The following CACNA2D4 variants were observed in gnomAD, a reference collection of about 807,000 sequenced individuals.
CACNA2D4 encodes the protein voltage-dependent calcium channel subunit alpha-2/delta-4.
In CACNA2D4, 157 loss-of-function variants were observed where a neutral mutation model predicts 163.8. The observed-to-expected ratio is 0.96, with a 90% CI of 0.84 to 1.09. The LOEUF (loss-of-function observed/expected upper bound fraction) is 1.09, where lower values mean the gene tolerates loss of function less well. CACNA2D4 is among the 50% of genes least tolerant of loss of function. The pLI is 0.00. For missense variants in CACNA2D4, 1,410 were observed against 1,479.9 expected, an observed-to-expected ratio of 0.95 and a Z score of 0.78; for synonymous variants, 598 against 586.9, an observed-to-expected ratio of 1.02 and a Z score of -0.27.
intron 14 of CACNA2D4, among the ~76,000 whole-genome samples, 170 bp from the exon 15 acceptor site, chr12:1,879,206 C>T (rs929664174): frequency 1.5e-4 from 23 of 152,246 alleles, no homozygotes; most frequent in South Asian, 4.1e-4. Context: ...CTCTATCAGA[C>T]GAGGTCCCAG....
intron 4 of CACNA2D4, among the ~76,000 whole-genome samples, chr12:1,909,359 A>T (rs1175637877): frequency 6.6e-6 from 1 of 151,886 alleles, no homozygotes; most frequent in Non-Finnish European, 1.5e-5. Context: ...GCCCGGCTAA[A>T]TTTTTTGCAT....
intron 26 of CACNA2D4, among the ~76,000 whole-genome samples, chr12:1,839,880 G>T (rs1864972646): frequency 6.6e-6 from 1 of 152,188 alleles, no homozygotes; most frequent in Non-Finnish European, 1.5e-5. Flanking sequence ...AGACAGGTCT[G>T]GACTGAATTA....
intron 26 of CACNA2D4, among the ~76,000 whole-genome samples, chr12:1,818,307 T>C (rs2154446205): frequency 6.6e-6 from 1 of 151,884 alleles, no homozygotes; most frequent in Admixed American, 6.5e-5. Context: ...AGGATGACAA[T>C]GGTGGCTTTG....
At chr12:1,803,320 A>G (rs896811310) in intron 29 of CACNA2D4, among the ~76,000 whole-genome samples, 2 of 152,328 alleles carry the variant, frequency 1.3e-5, no homozygotes, top group South Asian at 2.1e-4. Context: ...TCTCTCAAAT[A>G]AGAGATGATG....
intron 20 of CACNA2D4, among the ~76,000 whole-genome samples, chr12:1,856,708 G>A (rs1253724505): frequency 3.3e-5 from 5 of 152,200 alleles, no homozygotes; most frequent in Non-Finnish European, 7.3e-5. Context: ...CCCAGGATGG[G>A]CCCTGTGTGT....
At chr12:1,849,907 A>C (rs1358704736) in intron 23 of CACNA2D4, among the ~76,000 whole-genome samples, 1 of 152,322 alleles carries the variant, frequency 6.6e-6, no homozygotes, top group East Asian at 1.9e-4. Flanking sequence ...GAGATATTCT[A>C]ATTTTTCACA....
chr12:1,853,912 G>T, intron 23 of CACNA2D4, 39 bp downstream of exon 23: 1 of 1,513,578 alleles, frequency 6.6e-7, no homozygotes, highest in Non-Finnish European at 9.1e-7. Flanking sequence ...GAATTCTGGG[G>T]GCTGGTTGGG....
At chr12:1,904,443 A>G (rs1237243912) in intron 6 of CACNA2D4, among the ~76,000 whole-genome samples, 4 of 152,068 alleles carry the variant, frequency 2.6e-5, no homozygotes, top group Non-Finnish European at 5.9e-5. Flanking sequence ...TATGATTATT[A>G]CACATTGTAT....
intron 19 of CACNA2D4, among the ~76,000 whole-genome samples, chr12:1,859,560 T>C (rs1865477770): frequency 6.6e-6 from 1 of 152,244 alleles, no homozygotes; most frequent in South Asian, 2.1e-4. Flanking sequence ...TCTTCCAATT[T>C]GCTCTTCTCA....
intron 23 of CACNA2D4, among the ~76,000 whole-genome samples, chr12:1,853,617 C>T (rs190360474): frequency 1.1e-4 from 16 of 152,212 alleles, no homozygotes; most frequent in Admixed American, 5.2e-4. Flanking sequence ...GCAAAGGGAG[C>T]GAGGATTTCT....
rs1312772472 is a variant in CACNA2D4 at position 1,834,714 on chromosome 12, T to A, written c.2551+6025A>T. 5.7e-6 allele frequency: 9 copies of A among 1,589,844 alleles called. No individual in the cohort carries two copies. Among genetic ancestry groups the A allele is most frequent in the Non-Finnish European group, 7.7e-6 (9 of 1,170,822 alleles). ...GAGGACCAGAAGCAGATCTCTTCTG[T>A]GGCCTGAGCGCCCATCCCCACCCGG... is the stretch of plus-strand genomic sequence containing the variant. On this transcript the variant is annotated intron_variant, in intron 26 of 37. Coordinates refer to ENST00000382722, the MANE Select transcript of CACNA2D4 (RefSeq NM_172364.5). The surrounding 1 kb of genome is among the most constrained non-coding windows in gnomAD (Gnocchi z 7.6).
chr12:1,917,570 G>A lies in CACNA2D4; in HGVS notation c.227+677C>T, dbSNP rs1467632107. The stretch of plus-strand genomic sequence containing the variant: ...CCTTCCTAGGACCACCTGAGCTAGG[G>A]CCTAAAACACAGACACCCCAGAGAG... On this transcript the variant is annotated intron_variant, in intron 1 of 37. Coordinates refer to ENST00000382722, the MANE Select transcript of CACNA2D4 (RefSeq NM_172364.5). The surrounding 1 kb of genome is among the most constrained non-coding windows in gnomAD (Gnocchi z 4.3). Among the ~76,000 whole-genome samples the A allele has an allele frequency of 6.6e-6, 1 of 152,174 alleles. No individual in the cohort carries two copies. The highest frequency in any genetic ancestry group is 2.4e-5 in the African/African-American group (1 of 41,424).
chr12:1,834,278 G>T lies in CACNA2D4; in HGVS notation c.2551+6461C>A. The T allele has an allele frequency of 6.3e-7, 1 of 1,575,188 alleles. No individual in the cohort carries two copies. The highest frequency in any genetic ancestry group is 1.2e-5 in the South Asian group (1 of 85,472). ...TCTTCTGCATGTAGGGGGACGCTTG[G>T]ACCAGCTTGCCTGCACCCTGCCCAA... On this transcript the variant is annotated intron_variant, in intron 26 of 37. Transcript: ENST00000382722. This position sits in a 1 kb window ranked among gnomAD's most constrained non-coding sequence, Gnocchi z 7.6.
intron 18 of CACNA2D4, among the ~76,000 whole-genome samples, chr12:1,870,617 G>A (rs1171306496): frequency 6.6e-6 from 1 of 151,802 alleles, no homozygotes; most frequent in African/African-American, 2.4e-5. Context: ...GTGCCTTTCC[G>A]TTTTTGTTTT....
intron 2 of CACNA2D4, among the ~76,000 whole-genome samples, chr12:1,914,197 G>A (rs1223930531): frequency 6.6e-6 from 1 of 152,214 alleles, no homozygotes; most frequent in Non-Finnish European, 1.5e-5. Context: ...TCATGAATTG[G>A]TGGTGGGAAT....
chr12:1,833,591 G>A lies in CACNA2D4; in HGVS notation c.2551+7148C>T, dbSNP rs1474134466. 2.0e-5 allele frequency among the ~76,000 whole-genome samples: 3 copies of A among 152,198 alleles called. No homozygotes were observed. The highest frequency in any genetic ancestry group is 7.2e-5 in the African/African-American group (3 of 41,456). The stretch of plus-strand genomic sequence containing the variant: ...CCTCCAGATGCCTTTGTACTTACAG[G>A]GCTGTGGTTGGGGCACCGATGGGGC... On this transcript the variant is annotated intron_variant, in intron 26 of 37. Transcript: ENST00000382722. The surrounding 1 kb of genome is among the most constrained non-coding windows in gnomAD (Gnocchi z 4.2).
intron 9 of CACNA2D4, 88 bp from the exon 10 acceptor site, chr12:1,885,164 A>G: frequency 9.6e-7 from 1 of 1,041,872 alleles, no homozygotes; most frequent in Admixed American, 1.7e-5. Flanking sequence ...GAGGCTGTTT[A>G]GGGCCATCCA....
chr12:1,902,866 C>A (rs1160262586), intron 6 of CACNA2D4, among the ~76,000 whole-genome samples: 3 of 151,904 alleles, frequency 2.0e-5, no homozygotes, highest in East Asian at 3.8e-4. Context: ...AGAAACAATT[C>A]AAAAATGTAT....
At chr12:1,884,435 C>T in intron 11 of CACNA2D4, 114 bp from the exon 12 acceptor site, 2 of 845,026 alleles carry the variant, frequency 2.4e-6, no homozygotes, top group South Asian at 1.5e-5. Flanking sequence ...TCTTCGGGTT[C>T]TCCAATTTCA....
Sources: allele counts gnomAD v4.1 joint callset (sites outside exome capture counted in the v4.1 genomes callset), GRCh38; gene constraint gnomAD v4.1.1; non-coding constraint Gnocchi (gnomAD v3.1); transcripts MANE v1.5; gene names NCBI Gene and HGNC (gene_info 2026-07-23, HGNC 2026-07-21).